The following WDR93 variants were observed in gnomAD, a reference collection of about 807,000 sequenced individuals.
The protein encoded by WDR93 is WD repeat-containing protein 93.
A neutral mutation model predicts 82.9 loss-of-function variants in WDR93; 73 were observed. That is an observed-to-expected ratio of 0.88 (90% confidence interval 0.73 to 1.07). The LOEUF is 1.07. Ranked by LOEUF, WDR93 falls within the 50% of genes least tolerant of loss-of-function variation. WDR93 has a pLI of 0.00. For missense variants in WDR93, 738 were observed against 826.0 expected (o/e 0.89, Z 1.31); for synonymous variants, 283 against 300.1 (o/e 0.94, Z 0.59).
chr15:89,704,213 A>G (rs1478343142), intron 3 of WDR93: 2 of 151,444 alleles, frequency 1.3e-5, no homozygotes, highest in African/African-American at 4.8e-5. Context: ...GTGGGCACCC[A>G]GGTGCTCGGG....
At chr15:89,718,516 T>C (rs866833018) in intron 7 of WDR93, among the ~76,000 whole-genome samples, 1 of 151,614 alleles carries the variant, frequency 6.6e-6, no homozygotes, top group Admixed American at 6.6e-5. Flanking sequence ...TGGTCCCAGC[T>C]ACTCAAAAGA....
chr15:89,700,125 G>C (rs1368609913), intron 1 of WDR93, among the ~76,000 whole-genome samples: 2 of 152,160 alleles, frequency 1.3e-5, no homozygotes, highest in Non-Finnish European at 2.9e-5. Flanking sequence ...TTTGATGGGT[G>C]ACAACAGAGG....
In WDR93 at chr15:89,711,926, A is replaced by C. The variant is rs1313635246; in HGVS notation, c.562-100A>C. On this transcript the variant is annotated intron_variant, in intron 4 of 16. Transcript: ENST00000268130. Reference sequence around the variant, plus strand: ...AGCATCTTTTCATGTCCCAAGGTTTAAAAGGATCTCTGTTCCTGGGTGCAG... The same window carrying C: ...AGCATCTTTTCATGTCCCAAGGTTTCAAAGGATCTCTGTTCCTGGGTGCAG... 2.3e-5 allele frequency: 18 copies of C among 791,312 alleles called. No homozygotes were observed. The East Asian group carries it at 5.3e-4, about 23-fold the overall frequency. 49.0% of individuals were successfully genotyped at this position (791,312 alleles called of 1,614,324 possible).
chr15:89,730,342 A>AAAG (rs1206870678), intron 11 of WDR93, among the ~76,000 whole-genome samples: 15 of 145,270 alleles, frequency 1.0e-4, no homozygotes, highest in African/African-American at 3.6e-4. Context: ...AAAAAAAAAA[A>AAAG]AGAGAGAGAT....
chr15:89,740,604 C>T lies in WDR93; in HGVS notation c.1961+2368C>T, dbSNP rs562175622. ...GCAACCTCTGCCTCCCGGGTTCAAG[C>T]GATTCTCCTGCCTCAGCCTCCCCAG... On this transcript the variant is annotated intron_variant, in intron 16 of 16. Coordinates refer to ENST00000268130, the MANE Select transcript of WDR93 (RefSeq NM_020212.2). Among the ~76,000 whole-genome samples the T allele has an allele frequency of 2.6e-5, 4 of 152,218 alleles. No individual in the cohort carries two copies. The South Asian group carries it at 6.2e-4, about 24-fold the overall frequency.
intron 7 of WDR93, among the ~76,000 whole-genome samples, chr15:89,721,848 CAT>C (rs1471539493): frequency 6.6e-6 from 1 of 152,144 alleles, no homozygotes; most frequent in African/African-American, 2.4e-5. Context: ...TTATTTAGAC[CAT>C]ATACATTTAA....
In WDR93 at chr15:89,739,349, T is replaced by C. The variant is rs574429301; in HGVS notation, c.1961+1113T>C. ...CCTATAAAGTCTAAATTATTTACATTCTGGGCCTTTACAGAAAATGTTTGC... is the reference window on the plus strand; with the variant it reads ...CCTATAAAGTCTAAATTATTTACATCCTGGGCCTTTACAGAAAATGTTTGC... On this transcript the variant is annotated intron_variant, in intron 16 of 16. Coordinates refer to ENST00000268130, the MANE Select transcript of WDR93 (RefSeq NM_020212.2). Among the ~76,000 whole-genome samples, 5 of 152,332 alleles carry C rather than the reference T, an allele frequency of 3.3e-5. No individual in the cohort carries two copies. The South Asian group carries it at 1.0e-3, about 32-fold the overall frequency.
chr15:89,740,664 G>A (rs530052477), intron 16 of WDR93, among the ~76,000 whole-genome samples: 15 of 152,046 alleles, frequency 9.9e-5, no homozygotes, highest in Non-Finnish European at 1.5e-4. Context: ...ACCACGCCCG[G>A]CTAATTTTTG....
chr15:89,738,264 C>T, intron 16 of WDR93, 28 bp downstream of exon 16: 1 of 1,554,212 alleles, frequency 6.4e-7, no homozygotes, highest in Non-Finnish European at 8.7e-7. Context: ...TTCACCCCCT[C>T]CCACATCTGA....
rs1967172524 is a variant in WDR93, at chr15:89,736,355, A to AC, written c.1608+807dup. Among the ~76,000 whole-genome samples the AC allele has an allele frequency of 6.6e-5, 10 of 152,054 alleles. No individual in the cohort carries two copies. The South Asian group carries it at 2.1e-3, about 32-fold the overall frequency. ...CTACGGAGGGTGAGGGGCCTACAGGACCCCCAGGGGAGGCTCCAAGAGAGC... is the reference window on the plus strand; with the variant it reads ...CTACGGAGGGTGAGGGGCCTACAGGACCCCCCAGGGGAGGCTCCAAGAGAGC... On this transcript the variant is annotated intron_variant, in intron 14 of 16. Transcript: ENST00000268130.
chr15:89,737,850 G>T, intron 15 of WDR93, 121 bp downstream of exon 15: 1 of 1,434,174 alleles, frequency 7.0e-7, no homozygotes, highest in Non-Finnish European at 9.5e-7. Flanking sequence ...ATAGGCCAAA[G>T]GGTACCGCAG....
intron 10 of WDR93, 101 bp downstream of exon 10, chr15:89,729,194 G>A (rs931540629): frequency 1.8e-6 from 2 of 1,134,734 alleles, no homozygotes; most frequent in South Asian, 2.5e-5. Context: ...ACCTCGCATG[G>A]TAGGAGGGAA....
At chr15:89,705,700 C>A in intron 4 of WDR93, 82 bp downstream of exon 4, 4 of 942,850 alleles carry the variant, frequency 4.2e-6, no homozygotes, top group Non-Finnish European at 6.9e-6. Context: ...GCAATGATAG[C>A]TGGCCTAGAT....
chr15:89,711,986 C>T, intron 4 of WDR93, 40 bp from the exon 5 acceptor site: 19 of 1,503,598 alleles, frequency 1.3e-5, no homozygotes, highest in Non-Finnish European at 1.8e-5. Flanking sequence ...TCTCTGTCAG[C>T]AGGCTATGCC....
intron 1 of WDR93, among the ~76,000 whole-genome samples, chr15:89,699,290 T>G (rs1056834678): frequency 6.6e-6 from 1 of 152,190 alleles, no homozygotes; most frequent in South Asian, 2.1e-4. Flanking sequence ...TTTCTGGATA[T>G]AGAATACCAG....
At chr15:89,722,695 T>A (rs558901528) in intron 8 of WDR93, among the ~76,000 whole-genome samples, 5 of 152,242 alleles carry the variant, frequency 3.3e-5, no homozygotes, top group African/African-American at 1.2e-4. Flanking sequence ...AAGGGACATT[T>A]GGGCACAGTT....
chr15:89,735,398 C>A, intron 13 of WDR93, 92 bp from the exon 14 acceptor site: 1 of 1,339,846 alleles, frequency 7.5e-7, no homozygotes, highest in Non-Finnish European at 1.1e-6. Flanking sequence ...CTTGATTTCT[C>A]TGAATTTCTC....
At chr15:89,738,841 C>G (rs113059705) in intron 16 of WDR93, among the ~76,000 whole-genome samples, 5,783 of 150,218 alleles carry the variant, frequency 0.038, 400 homozygotes, top group African/African-American at 0.13. Flanking sequence ...TAGGCCAGGC[C>G]CGGTGGCTCA....
chr15:89,712,189 T>C, intron 5 of WDR93, 85 bp downstream of exon 5: 1 of 1,106,830 alleles, frequency 9.0e-7, no homozygotes. Flanking sequence ...TCCAAACCTT[T>C]TATTTAGAAA....
Sources: allele counts gnomAD v4.1 joint callset (sites outside exome capture counted in the v4.1 genomes callset), GRCh38; gene constraint gnomAD v4.1.1; transcripts MANE v1.5; gene names NCBI Gene and HGNC (gene_info 2026-07-23, HGNC 2026-07-21).